The following NSD1 variants were observed in gnomAD, a reference collection of about 807,000 sequenced individuals.
NSD1 encodes the protein nuclear receptor binding SET domain protein 1, also known as histone-lysine N-methyltransferase, H3 lysine-36 specific.
In NSD1, 26 loss-of-function variants were observed where a neutral mutation model predicts 242.7. The observed-to-expected ratio is 0.11, with a 90% CI of 0.08 to 0.15. The LOEUF (loss-of-function observed/expected upper bound fraction) is 0.15. NSD1 is among the 10% of genes least tolerant of loss of function. The pLI is 1.00. For missense variants in NSD1, 2,495 were observed against 3,272.8 expected, an observed-to-expected ratio of 0.76 and a Z score of 5.80; for synonymous variants, 1,106 against 1,178.1, an observed-to-expected ratio of 0.94 and a Z score of 1.25.
chr5:177,211,754 C>G lies in NSD1; in HGVS notation c.3355C>G (p.Pro1119Ala), dbSNP rs727504054. The G allele has an allele frequency of 3.7e-6, 6 of 1,613,858 alleles. No homozygotes were observed. The highest frequency in any genetic ancestry group is 3.3e-4 in the Middle Eastern group (2 of 6,084). ...CGATAGCAAGGTTAAGCAATCTGAT[C>G]CTGGTAAAATTTCTGAAAAAGGACT... ...HFDSKVKQSD[P>A]GKISEKGLSF... Residue 1119 changes from proline to alanine, a missense_variant, in exon 5 of 23, where the codon CCT becomes GCT. This residue lies in a region of NSD1 where 426 missense variants were observed against 411.4 expected (regional missense o/e 1.04). Coordinates refer to ENST00000439151, the MANE Select transcript of NSD1 (RefSeq NM_022455.5).
At chr5:177,160,390 TCC>T (rs1281960499) in intron 2 of NSD1, among the ~76,000 whole-genome samples, 1 of 152,048 alleles carries the variant, frequency 6.6e-6, no homozygotes, top group East Asian at 1.9e-4. Flanking sequence ...AGCCTCCACC[TCC>T]CAGGTTCAAG....
At chr5:177,136,338 A>G (rs1315376201) in intron 2 of NSD1, 1 of 240,772 alleles carries the variant, frequency 4.2e-6, no homozygotes, top group Non-Finnish European at 8.2e-6. Context: ...TTAAAAAAAA[A>G]AAAAAAAGAT....
At chr5:177,231,545 A>G (rs1165455746) in intron 5 of NSD1, among the ~76,000 whole-genome samples, 1 of 151,656 alleles carries the variant, frequency 6.6e-6, no homozygotes, top group African/African-American at 2.4e-5. Flanking sequence ...TTCCTTCCTC[A>G]CCCTCCTGAG....
chr5:177,186,332 T>A (rs188763223), intron 2 of NSD1, among the ~76,000 whole-genome samples: 191 of 151,552 alleles, frequency 1.3e-3, no homozygotes, highest in African/African-American at 4.3e-3. Flanking sequence ...GGCTATTTTT[T>A]AATATTTAGC....
rs193176138 is a variant in NSD1 at position 177,191,576 on chromosome 5, C to T, written c.928-308C>T. 1.9e-4 allele frequency among the ~76,000 whole-genome samples: 29 copies of T among 151,326 alleles called. 1 individual carries two copies. In the East Asian group the frequency reaches 5.4e-3, roughly 28 times the overall value. On this transcript the variant is annotated intron_variant, in intron 2 of 22. Coordinates refer to ENST00000439151, the MANE Select transcript of NSD1 (RefSeq NM_022455.5). ...ACTAGATCAAGGGTGTCTTTTCCTT[C>T]GGATGATTTTCTTTATTGTGTGTGT... is the stretch of plus-strand genomic sequence containing the variant.
intron 20 of NSD1, among the ~76,000 whole-genome samples, chr5:177,286,984 T>G (rs567442681): frequency 1.3e-5 from 2 of 152,346 alleles, no homozygotes; most frequent in East Asian, 3.9e-4. Context: ...AGCTGAGGCC[T>G]TCATTCAACT....
chr5:177,155,488 TC>T (rs1210926468), intron 2 of NSD1, among the ~76,000 whole-genome samples: 2 of 151,288 alleles, frequency 1.3e-5, no homozygotes, highest in African/African-American at 4.9e-5. Context: ...GGTCTCGAAC[TC>T]CTGACCTCAG....
chr5:177,242,493 T>G (rs1236720208), intron 8 of NSD1, among the ~76,000 whole-genome samples: 3 of 142,618 alleles, frequency 2.1e-5, no homozygotes, highest in African/African-American at 7.5e-5. Context: ...CATTAGGAAC[T>G]CTACAACAAA....
chr5:177,168,882 T>C (rs1050172607), intron 2 of NSD1, among the ~76,000 whole-genome samples: 5 of 152,168 alleles, frequency 3.3e-5, no homozygotes, highest in African/African-American at 1.2e-4. Flanking sequence ...TTGAGATGCT[T>C]GAAGAAGTGG....
intron 2 of NSD1, among the ~76,000 whole-genome samples, chr5:177,143,280 A>C (rs1308040438): frequency 6.6e-6 from 1 of 151,814 alleles, no homozygotes; most frequent in Non-Finnish European, 1.5e-5. Flanking sequence ...CTCATGCATT[A>C]ATTTTTTTCT....
chr5:177,135,345 T>A lies in NSD1; in HGVS notation c.242T>A (p.Met81Lys), dbSNP rs1342105953. 6.2e-7 allele frequency: 1 copy of A among 1,611,606 alleles called. No individual in the cohort carries two copies. The highest frequency in any genetic ancestry group is 1.1e-5 in the South Asian group (1 of 91,068). The change falls in exon 2 of 23, where the codon ATG becomes AAG. Residue 81 changes from methionine (M) to lysine (K), a missense_variant. Physicochemically the swap from Met to Lys is moderately conservative, Grantham distance 95. Transcript: ENST00000439151. ...CGGAGACTACAGGATTTGGCCTCCA[T>A]GATCAATGTAGAGTATTTAAATGGG... is the stretch of plus-strand genomic sequence containing the variant. ...PLRRLQDLAS[M>K]INVEYLNGSA...
At chr5:177,237,246 A>G (rs753798414) in intron 6 of NSD1, among the ~76,000 whole-genome samples, 7 of 152,070 alleles carry the variant, frequency 4.6e-5, no homozygotes, top group Non-Finnish European at 8.8e-5. Flanking sequence ...TATTTTCTCT[A>G]TTTTTATTAA....
Position 177,133,901 on chromosome 5 carries a change from A to C in NSD1, c.-69A>C, listed in dbSNP as rs1286918186. ...CACCGCTCCGCTCGCACCCCAGTGTAATGAGGGTCACCCCCTCCCCCCAGC... is the reference window on the plus strand; with the variant it reads ...CACCGCTCCGCTCGCACCCCAGTGTCATGAGGGTCACCCCCTCCCCCCAGC... On this transcript the variant is annotated 5_prime_UTR_variant, in exon 1 of 23. Transcript: ENST00000439151. This position sits in a 1 kb window ranked among gnomAD's most constrained non-coding sequence, Gnocchi z 6.2. The C allele has an allele frequency of 6.7e-6, 1 of 149,966 alleles. No individual in the cohort carries two copies. Among genetic ancestry groups the C allele is most frequent in the African/African-American group, 2.5e-5 (1 of 40,654 alleles). 9.3% of individuals were successfully genotyped at this position (149,966 alleles called of 1,614,324 possible). A position where few individuals can be genotyped will look rare whatever the true frequency, so the allele number is the denominator to read the frequency against.
intron 2 of NSD1, among the ~76,000 whole-genome samples, chr5:177,190,583 C>A (rs1034006480): frequency 6.6e-6 from 1 of 152,164 alleles, no homozygotes; most frequent in Non-Finnish European, 1.5e-5. Flanking sequence ...AGCCACTGTG[C>A]CTGGCCCCTT....
In NSD1 at chr5:177,211,024, T is replaced by A; in HGVS notation, c.2625T>A (p.Asp875Glu). 6.2e-7 allele frequency: 1 copy of A among 1,614,250 alleles called. No individual in the cohort carries two copies. Among genetic ancestry groups the A allele is most frequent in the Non-Finnish European group, 8.5e-7 (1 of 1,180,034 alleles). The change falls in exon 5 of 23, where the codon GAT becomes GAA. Residue 875 changes from aspartate (D) to glutamate (E), a missense_variant. Asp to Glu is a conservative substitution (Grantham distance 45). Coordinates refer to ENST00000439151, the MANE Select transcript of NSD1 (RefSeq NM_022455.5). ...TCTCTTACAGATCCTTAGGTGAGGA[T>A]GTCAGTGACTCTGGAACATCAAAGC... The part of the protein sequence containing the change: ...KELSYRSLGE[D>E]VSDSGTSKPS...
intron 3 of NSD1, among the ~76,000 whole-genome samples, chr5:177,203,159 G>T (rs572265959): frequency 3.0e-4 from 45 of 151,990 alleles, no homozygotes; most frequent in Non-Finnish European, 4.3e-4. Flanking sequence ...ATGAATTTTC[G>T]TATAAAATGA....
rs1321096753 is a variant in NSD1, at chr5:177,135,600, C to G, written c.497C>G (p.Ser166Cys). Residue 166 changes from serine to cysteine, a missense_variant, in exon 2 of 23, where the codon TCT (serine) becomes TGT (cysteine). Ser to Cys is a moderately radical substitution (Grantham distance 112). Coordinates refer to ENST00000439151, the MANE Select transcript of NSD1 (RefSeq NM_022455.5). ...TGTGTGGACGATGCAGATGTAGATT[C>G]TGAAATGGACCCAGAACAGCCAGTC... ...FTCVDDADVD[S>C]EMDPEQPVTE... 1 of 1,614,168 alleles carries G rather than the reference C, an allele frequency of 6.2e-7. No homozygotes were observed. The highest frequency in any genetic ancestry group is 8.5e-7 in the Non-Finnish European group (1 of 1,180,032).
intron 8 of NSD1, among the ~76,000 whole-genome samples, chr5:177,240,743 A>G (rs1765792865): frequency 1.3e-5 from 2 of 152,130 alleles, no homozygotes; most frequent in South Asian, 2.1e-4. Flanking sequence ...GTGATGGCTC[A>G]AGCCTATAAT....
intron 9 of NSD1, among the ~76,000 whole-genome samples, chr5:177,245,120 A>G (rs1206219644): frequency 2.0e-5 from 3 of 152,302 alleles, no homozygotes; most frequent in South Asian, 2.1e-4. Context: ...TTAAGCTGAC[A>G]TGTAGCTTAA....
Sources: allele counts gnomAD v4.1 joint callset (sites outside exome capture counted in the v4.1 genomes callset), GRCh38; gene constraint gnomAD v4.1.1; regional missense constraint gnomAD v4.1.1; non-coding constraint Gnocchi (gnomAD v3.1); transcripts MANE v1.5; gene names NCBI Gene and HGNC (gene_info 2026-07-23, HGNC 2026-07-21).